The following GALNT17 variants were observed in gnomAD, a reference collection of about 807,000 sequenced individuals.
GALNT17 encodes polypeptide N-acetylgalactosaminyltransferase 17.
A neutral mutation model predicts 63.7 loss-of-function variants in GALNT17; 29 were observed. The observed-to-expected ratio is 0.46, with a 90% confidence interval of 0.34 to 0.62. The LOEUF (loss-of-function observed/expected upper bound fraction) is 0.62, where lower values mean the gene tolerates loss of function less well. Among genes scored for constraint, GALNT17 ranks in the 20% least tolerant of loss-of-function variants. The probability of loss-of-function intolerance (pLI) is 0.01; values close to 1 mark genes in which losing one functional copy is unlikely to be tolerated. For missense variants in GALNT17, 603 were observed against 799.6 expected, an observed-to-expected ratio of 0.75 and a Z score of 2.97; for synonymous variants, 305 against 318.3, an observed-to-expected ratio of 0.96 and a Z score of 0.45.
chr7:71,409,364 T>C (rs1793391250), intron 3 of GALNT17, among the ~76,000 whole-genome samples: 1 of 152,218 alleles, frequency 6.6e-6, no homozygotes, highest in East Asian at 1.9e-4. Flanking sequence ...AGCTCCCCAT[T>C]TGAAGCTTGT....
chr7:71,401,931 A>G (rs1036816525), intron 3 of GALNT17, among the ~76,000 whole-genome samples: 1 of 152,224 alleles, frequency 6.6e-6, no homozygotes, highest in African/African-American at 2.4e-5. Context: ...TGCTCTGTCC[A>G]TGGAAAAATG....
chr7:71,378,762 T>C (rs1022360756), intron 2 of GALNT17, among the ~76,000 whole-genome samples: 1 of 151,858 alleles, frequency 6.6e-6, no homozygotes, highest in Non-Finnish European at 1.5e-5. Flanking sequence ...CGAGGAAGAA[T>C]TGCTTGAGGT....
chr7:71,476,688 G>A (rs1787728240), intron 5 of GALNT17, among the ~76,000 whole-genome samples: 1 of 152,084 alleles, frequency 6.6e-6, no homozygotes, highest in Non-Finnish European at 1.5e-5. Flanking sequence ...AGCGGGGAGT[G>A]CTATTGATGT....
rs112945574 is a variant in GALNT17 at position 71,610,380 on chromosome 7, C to T, written c.1080+38978C>T. On this transcript the variant is annotated intron_variant, in intron 6 of 10. Coordinates refer to ENST00000333538, the MANE Select transcript of GALNT17 (RefSeq NM_022479.3). Reference sequence around the variant, plus strand: ...ATCTGTAGTCTCAGGACTAGCTACTCAGGAGGCTGAGGTGGCAGGATCACT... The same window carrying T: ...ATCTGTAGTCTCAGGACTAGCTACTTAGGAGGCTGAGGTGGCAGGATCACT... Among the ~76,000 whole-genome samples, 894 of 152,202 alleles carry T rather than the reference C, an allele frequency of 5.9e-3. 7 individuals are homozygous for T. The highest frequency in any genetic ancestry group is 0.02 in the African/African-American group (829 of 41,544).
intron 1 of GALNT17, among the ~76,000 whole-genome samples, chr7:71,205,156 T>TTAC (rs1260658305): frequency 1.5e-5 from 1 of 68,446 alleles, no homozygotes; most frequent in African/African-American, 1.3e-4. Context: ...TTTTTACTTT[T>TTAC]TTTTTTTTTT....
Position 71,591,414 on chromosome 7 carries a change from C to G in GALNT17, c.1080+20012C>G, listed in dbSNP as rs571059798. On this transcript the variant is annotated intron_variant, in intron 6 of 10. Coordinates refer to ENST00000333538, the MANE Select transcript of GALNT17 (RefSeq NM_022479.3). Reference sequence around the variant, plus strand: ...ACAGCTGTAAGGGTCCCGAATTGCTCCCTGCAGCCCTGGATCCAGCAGTTG... The same window carrying G: ...ACAGCTGTAAGGGTCCCGAATTGCTGCCTGCAGCCCTGGATCCAGCAGTTG... Among the ~76,000 whole-genome samples, 4 of 152,166 alleles carry G rather than the reference C, an allele frequency of 2.6e-5. No individual in the cohort carries two copies. In the South Asian group the frequency reaches 8.3e-4, roughly 32 times the overall value.
chr7:71,227,894 C>T (rs567865245), intron 1 of GALNT17, among the ~76,000 whole-genome samples: 2 of 152,128 alleles, frequency 1.3e-5, no homozygotes, highest in East Asian at 1.9e-4. Flanking sequence ...TTCTGCCGGT[C>T]GTGGCATGCC....
intron 1 of GALNT17, among the ~76,000 whole-genome samples, chr7:71,271,612 C>G (rs1267701690): frequency 6.6e-6 from 1 of 152,202 alleles, no homozygotes; most frequent in Non-Finnish European, 1.5e-5. Flanking sequence ...AACATTCACC[C>G]TTTTTGGGTG....
At chr7:71,423,888 C>T (rs1786711269) in intron 5 of GALNT17, among the ~76,000 whole-genome samples, 1 of 152,044 alleles carries the variant, frequency 6.6e-6, no homozygotes, top group African/African-American at 2.4e-5. Flanking sequence ...CTCCTCTGCA[C>T]TCCAGCCTGG....
At chr7:71,135,688 C>A (rs1451169772) in intron 1 of GALNT17, among the ~76,000 whole-genome samples, 1 of 152,206 alleles carries the variant, frequency 6.6e-6, no homozygotes, top group Non-Finnish European at 1.5e-5. Flanking sequence ...TGGGACAGGG[C>A]CCTCGACCCA....
At chr7:71,414,352 T>A (rs753141905) in intron 3 of GALNT17, among the ~76,000 whole-genome samples, 7 of 152,182 alleles carry the variant, frequency 4.6e-5, no homozygotes, top group Non-Finnish European at 1.0e-4. Flanking sequence ...GATAAACCAA[T>A]TATTATTAGA....
intron 2 of GALNT17, among the ~76,000 whole-genome samples, chr7:71,373,014 T>G (rs1320065876): frequency 6.6e-6 from 1 of 152,176 alleles, no homozygotes; most frequent in East Asian, 1.9e-4. Context: ...ATAACATGCT[T>G]CTTTATGCAT....
intron 3 of GALNT17, among the ~76,000 whole-genome samples, chr7:71,391,305 G>A (rs1563058633): frequency 6.6e-6 from 1 of 152,176 alleles, no homozygotes; most frequent in Non-Finnish European, 1.5e-5. Context: ...AATCTAGGTA[G>A]AGCCCAGCCC....
chr7:71,224,146 C>T (rs1379298901), intron 1 of GALNT17, among the ~76,000 whole-genome samples: 2 of 152,124 alleles, frequency 1.3e-5, no homozygotes, highest in Non-Finnish European at 2.9e-5. Context: ...CCTCTGCCTC[C>T]TGGGTTCAAG....
At chr7:71,607,680 G>C (rs928535843) in intron 6 of GALNT17, among the ~76,000 whole-genome samples, 1 of 152,088 alleles carries the variant, frequency 6.6e-6, no homozygotes, top group Admixed American at 6.6e-5. Flanking sequence ...TGACCTGCCA[G>C]GGTTGTAAGA....
At chr7:71,341,734 G>T (rs777764283) in intron 2 of GALNT17, among the ~76,000 whole-genome samples, 2 of 152,182 alleles carry the variant, frequency 1.3e-5, no homozygotes, top group Non-Finnish European at 2.9e-5. Context: ...TCGCAAAAAT[G>T]TAGGCTCTTA....
intron 1 of GALNT17, among the ~76,000 whole-genome samples, chr7:71,303,310 C>T (rs1032580046): frequency 1.3e-5 from 2 of 152,154 alleles, no homozygotes; most frequent in African/African-American, 4.8e-5. Flanking sequence ...AACACCACTA[C>T]ACCCAGCTAA....
chr7:71,512,291 C>G (rs769163787), intron 5 of GALNT17, among the ~76,000 whole-genome samples: 7 of 152,108 alleles, frequency 4.6e-5, no homozygotes, highest in Non-Finnish European at 8.8e-5. Context: ...TAAGTATGAG[C>G]CACTGTGCCC....
At chr7:71,196,429 C>G (rs906376331) in intron 1 of GALNT17, among the ~76,000 whole-genome samples, 5 of 151,772 alleles carry the variant, frequency 3.3e-5, no homozygotes, top group Non-Finnish European at 5.9e-5. Context: ...CGTGAGCCAC[C>G]GCGCCTGGCC....
Sources: gnomAD v4.1 joint callset for allele counts (sites outside exome capture counted in the v4.1 genomes callset) on GRCh38, gnomAD v4.1.1 for gene constraint, MANE v1.5 for transcripts, NCBI Gene and HGNC (gene_info 2026-07-23, HGNC 2026-07-21) for gene names.